The following IBA57 variants were observed in gnomAD, a reference collection of about 807,000 sequenced individuals.
IBA57 encodes iron-sulfur cluster assembly factor IBA57, also known as iron-sulfur cluster assembly factor IBA57, mitochondrial.
A neutral mutation model predicts 20.4 loss-of-function variants in IBA57; 20 were observed. The observed-to-expected ratio is 0.98, with a 90% confidence interval of 0.69 to 1.42. The LOEUF (loss-of-function observed/expected upper bound fraction) is 1.42, where lower values mean the gene tolerates loss of function less well. Among genes scored for constraint, IBA57 ranks in the 40% most tolerant of loss-of-function variants. IBA57 has a pLI of 0.00. For missense variants in IBA57, 608 were observed against 499.3 expected (o/e 1.22, Z -2.07); for synonymous variants, 310 against 233.9 (o/e 1.33, Z -2.97).
At position 228,165,838 on chromosome 1, in the gene IBA57, C is replaced by T; in HGVS notation, c.22C>T (p.Arg8Ter). The change falls in exon 1 of 3, where the codon CGA (arginine) becomes TGA (stop). Residue 8 changes from arginine (R) to a stop codon, truncating the protein, a stop_gained. Coordinates refer to ENST00000366711, the MANE Select transcript of IBA57 (RefSeq NM_001010867.4). LOFTEE classifies it high-confidence loss of function. MATAALLRGATPGRGGPV... is the reference protein window; with the variant it reads MATAALL ...CAAGATGGCGACCGCGGCGCTGCTT[C>T]GAGGCGCCACTCCGGGGCGCGGCGG... 1 of 1,306,460 alleles carries T rather than the reference C, an allele frequency of 7.7e-7. No individual in the cohort carries two copies. The highest frequency in any genetic ancestry group is 9.7e-7 in the Non-Finnish European group (1 of 1,033,362). The allele number at this position is 1,306,460 out of a possible 1,614,324, so 80.9% of individuals were successfully genotyped here. A position where few individuals can be genotyped will look rare whatever the true frequency, so the allele number is the denominator to read the frequency against.
chr1:228,167,807 AGTCT>A (rs1269202752), intron 1 of IBA57, among the ~76,000 whole-genome samples: 1 of 152,220 alleles, frequency 6.6e-6, no homozygotes, highest in African/African-American at 2.4e-5. Flanking sequence ...TAGTCATCAT[AGTCT>A]GTCTTATGTA....
chr1:228,174,939 C>A lies in IBA57; in HGVS notation c.589C>A (p.Arg197=). 6.3e-7 allele frequency: 1 copy of A among 1,577,070 alleles called. No homozygotes were observed. Among genetic ancestry groups the A allele is most frequent in the Non-Finnish European group, 8.6e-7 (1 of 1,158,674 alleles). Residue 197 remains arginine, a synonymous_variant, in exon 2 of 3, where the codon CGG becomes AGG. Coordinates refer to ENST00000366711, the MANE Select transcript of IBA57 (RefSeq NM_001010867.4). ...CCCGCGAACAGCACGCATGGGGTGGCGGCTCCTCACCCAGGATGAAGGCCC... is the reference window on the plus strand; with the variant it reads ...CCCGCGAACAGCACGCATGGGGTGGAGGCTCCTCACCCAGGATGAAGGCCC... ...RDPRTARMGW[R]LLTQDEGPAL...
chr1:228,167,172 C>A (rs995025995), intron 1 of IBA57, among the ~76,000 whole-genome samples: 1 of 152,160 alleles, frequency 6.6e-6, no homozygotes, highest in Non-Finnish European at 1.5e-5. Flanking sequence ...CGTGAAATGT[C>A]ATGCTGATGT....
At chr1:228,174,501 G>C (rs2034973629) in intron 1 of IBA57, 191 bp from the exon 2 acceptor site, 3 of 79,220 alleles carry the variant, frequency 3.8e-5, no homozygotes, top group African/African-American at 4.5e-5. Context: ...GGCTCGCTGT[G>C]GGCGTGGCTC....
chr1:228,172,971 T>G (rs540030399), intron 1 of IBA57: 1 of 152,476 alleles, frequency 6.6e-6, no homozygotes, highest in Admixed American at 6.5e-5. Context: ...GGTGTTGTTT[T>G]TGATGTCCTG....
Position 228,175,420 on chromosome 1 carries a change from G to A in IBA57, c.978G>A (p.Lys326=). ...NVGLALLWSE[K]IKGPLHIRAS... is the part of the protein sequence containing the mutation. Reference sequence around the variant, plus strand: ...GGCTGGCCCTGCTGTGGTCAGAGAAGATCAAGGGTCCTCTGCACATCAGAG... The same window carrying A: ...GGCTGGCCCTGCTGTGGTCAGAGAAAATCAAGGGTCCTCTGCACATCAGAG... The change falls in exon 3 of 3, where the codon AAG becomes AAA. Residue 326 remains lysine, a synonymous_variant. Coordinates refer to ENST00000366711, the MANE Select transcript of IBA57 (RefSeq NM_001010867.4). 6.2e-7 allele frequency: 1 copy of A among 1,612,870 alleles called. No homozygotes were observed.
chr1:228,167,865 A>T (rs552805508), intron 1 of IBA57, among the ~76,000 whole-genome samples: 1 of 152,190 alleles, frequency 6.6e-6, no homozygotes, highest in Non-Finnish European at 1.5e-5. Context: ...TCATCTTAAG[A>T]ACTACATTCT....
rs2035075505 is a variant in IBA57, at chr1:228,179,510, A to G, written c.*3997A>G. On this transcript the variant is annotated 3_prime_UTR_variant, in exon 3 of 3. Transcript: ENST00000366711. ...TTTAGTATGACATCCGCAATTTACGAGTAATTCCAGAAGGAGGGGAAAGAG... is the reference window on the plus strand; with the variant it reads ...TTTAGTATGACATCCGCAATTTACGGGTAATTCCAGAAGGAGGGGAAAGAG... 6.6e-6 allele frequency: 1 copy of G among 152,222 alleles called. No homozygotes were observed. Among genetic ancestry groups the G allele is most frequent in the Non-Finnish European group, 1.5e-5 (1 of 68,044 alleles). The allele number at this position is 152,222 out of a possible 1,614,324, so 9.4% of individuals were successfully genotyped here.
intron 1 of IBA57, among the ~76,000 whole-genome samples, chr1:228,167,302 T>G (rs1307890245): frequency 2.0e-5 from 3 of 151,844 alleles, no homozygotes. Context: ...CCGGTGTTTA[T>G]AATAAAATTC....
Position 228,165,960 on chromosome 1 carries a change from G to A in IBA57, c.144G>A (p.Trp48Ter), listed in dbSNP as rs776881094. The stretch of plus-strand genomic sequence containing the variant: ...GCGACCCAACGGCCGGAGCGGCCTG[G>A]GCCTGCTTCCGGCTGGACGGGCGCA... ...PGGDPTAGAAWACFRLDGRTL... is the reference protein window; with the variant it reads ...PGGDPTAGAA The change falls in exon 1 of 3, where the codon TGG becomes TGA. Residue 48 changes from tryptophan (W) to a stop codon, truncating the protein, a stop_gained. Transcript: ENST00000366711. LOFTEE classifies it high-confidence loss of function. 1.3e-6 allele frequency: 2 copies of A among 1,514,288 alleles called. No individual in the cohort carries two copies. The highest frequency in any genetic ancestry group is 1.8e-6 in the Non-Finnish European group (2 of 1,139,120). The allele number at this position is 1,514,288 out of a possible 1,614,324, so 93.8% of individuals were successfully genotyped here.
Position 228,166,121 on chromosome 1 carries a change from T to G in IBA57, c.305T>G (p.Val102Gly), listed in dbSNP as rs759005478. 2.2e-5 allele frequency: 34 copies of G among 1,536,806 alleles called. No homozygotes were observed. In the Middle Eastern group the frequency reaches 1.0e-3, roughly 46 times the overall value. Reference sequence around the variant, plus strand: ...GCGGGCTACGCCCACTTCCTGAACGTGCAGGGCCGGACGCTCTATGACGTC... The same window carrying G: ...GCGGGCTACGCCCACTTCCTGAACGGGCAGGGCCGGACGCTCTATGACGTC... Reference protein sequence around the residue: ...ARAGYAHFLNVQGRTLYDVIL... With the variant: ...ARAGYAHFLNGQGRTLYDVIL... Residue 102 changes from valine (V) to glycine (G), a missense_variant, in exon 1 of 3, where the codon GTG becomes GGG. Physicochemically the swap from Val to Gly is moderately radical, Grantham distance 109. Transcript: ENST00000366711.
chr1:228,174,186 T>C (rs1425753308), intron 1 of IBA57, among the ~76,000 whole-genome samples: 1,176 of 61,374 alleles, frequency 0.019, 54 homozygotes, highest in African/African-American at 0.08. Flanking sequence ...GCTGTGGGCG[T>C]GGCTCGCTGT....
rs1480672712 is a variant in IBA57, at chr1:228,166,086, T to C, written c.270T>C (p.Pro90=). The C allele has an allele frequency of 6.5e-7, 1 of 1,538,432 alleles. No individual in the cohort carries two copies. ...GTCCTGCGGCCGCGGGGGCCCCGCC[T>C]GCTGCGCGCGCGGGCTACGCCCACT... ...LPSPAAAGAP[P]AARAGYAHFL... The change falls in exon 1 of 3, where the codon CCT becomes CCC. Residue 90 remains proline (P), a synonymous_variant. Coordinates refer to ENST00000366711, the MANE Select transcript of IBA57 (RefSeq NM_001010867.4).
chr1:228,167,162 C>G (rs1036636023), intron 1 of IBA57, among the ~76,000 whole-genome samples: 1 of 152,140 alleles, frequency 6.6e-6, no homozygotes, highest in Non-Finnish European at 1.5e-5. Flanking sequence ...TTCTTGATGT[C>G]GTGAAATGTC....
chr1:228,166,591 G>T (rs1037365966), intron 1 of IBA57, among the ~76,000 whole-genome samples: 1 of 152,250 alleles, frequency 6.6e-6, no homozygotes, highest in Non-Finnish European at 1.5e-5. Flanking sequence ...CCGCCTGGTG[G>T]CAGAGCTGTG....
chr1:228,167,023 T>C (rs1422811886), intron 1 of IBA57, among the ~76,000 whole-genome samples: 1 of 152,234 alleles, frequency 6.6e-6, no homozygotes, highest in East Asian at 1.9e-4. Context: ...GGTGTAAAAA[T>C]CTAGCTTGGA....
Position 228,174,774 on chromosome 1 carries a change from C to A in IBA57, c.424C>A (p.Leu142Ile). 6.2e-7 allele frequency: 1 copy of A among 1,610,708 alleles called. No homozygotes were observed. The highest frequency in any genetic ancestry group is 8.5e-7 in the Non-Finnish European group (1 of 1,179,634). ...VQGALQKHLA[L>I]YRIRRKVTVE... is the part of the protein sequence containing the mutation. ...GGGCGCGCTGCAGAAGCACCTCGCG[C>A]TATACAGGATCCGGCGGAAGGTCAC... Residue 142 changes from leucine (L) to isoleucine (I), a missense_variant, in exon 2 of 3, where the codon CTA (leucine) becomes ATA (isoleucine). Physicochemically the swap from Leu to Ile is conservative, Grantham distance 5 (BLOSUM62 2). Coordinates refer to ENST00000366711, the MANE Select transcript of IBA57 (RefSeq NM_001010867.4).
chr1:228,169,158 C>T (rs568440772), intron 1 of IBA57, among the ~76,000 whole-genome samples: 32 of 152,132 alleles, frequency 2.1e-4, no homozygotes, highest in Non-Finnish European at 3.7e-4. Flanking sequence ...CCTCTGGTCA[C>T]TCCTCTGGGG....
intron 1 of IBA57, among the ~76,000 whole-genome samples, chr1:228,168,641 A>G (rs774113816): frequency 3.9e-5 from 6 of 152,050 alleles, no homozygotes; most frequent in Admixed American, 2.6e-4. Flanking sequence ...CGAGGTCTGC[A>G]GGAGGAGTTA....
Sources: gnomAD v4.1 joint callset for allele counts (sites outside exome capture counted in the v4.1 genomes callset) on GRCh38, gnomAD v4.1.1 for gene constraint, MANE v1.5 for transcripts, NCBI Gene and HGNC (gene_info 2026-07-23, HGNC 2026-07-21) for gene names.